The following GLI3 variants were observed in gnomAD, a reference collection of about 807,000 sequenced individuals.
GLI3 encodes transcription activator GLI3.
In GLI3, 20 loss-of-function variants were observed where a neutral mutation model predicts 100.8. The ratio of observed to expected loss-of-function variants is 0.20; its 90% CI spans 0.14 to 0.29. The LOEUF is 0.29. GLI3 is among the 10% of genes least tolerant of loss of function. The pLI, the probability that GLI3 is intolerant of heterozygous loss-of-function variation, is 1.00. For missense variants in GLI3, 2,040 were observed against 2,128.5 expected, an observed-to-expected ratio of 0.96 and a Z score of 0.82; for synonymous variants, 938 against 860.5, an observed-to-expected ratio of 1.09 and a Z score of -1.58.
At chr7:42,064,425 T>A (rs969799634) in intron 4 of GLI3, among the ~76,000 whole-genome samples, 1 of 152,192 alleles carries the variant, frequency 6.6e-6, no homozygotes, top group African/African-American at 2.4e-5. Flanking sequence ...TCCGGTTAAC[T>A]TGTGGTAGAG....
rs557383616 is a variant in GLI3 at position 41,976,106 on chromosome 7, TC to T, written c.1812+1451del. ...CATTAGCAGTCATCACTATTCCCTC[TC>T]CCCTCTGCTTTTGGCAACCACTGAT... On this transcript the variant is annotated intron_variant, in intron 12 of 14. Coordinates refer to ENST00000395925, the MANE Select transcript of GLI3 (RefSeq NM_000168.6). Among the ~76,000 whole-genome samples the T allele has an allele frequency of 7.2e-5, 11 of 152,248 alleles. No individual in the cohort carries two copies. In the South Asian group the frequency reaches 2.3e-3, roughly 32 times the overall value.
Position 42,148,799 on chromosome 7 carries a change from A to G in GLI3, c.125-331T>C, listed in dbSNP as rs115003719. Among the ~76,000 whole-genome samples, 266 of 152,252 alleles carry G rather than the reference A, an allele frequency of 1.7e-3. 1 individual carries two copies. Among genetic ancestry groups the G allele is most frequent in the African/African-American group, 6.2e-3 (257 of 41,566 alleles). On this transcript the variant is annotated intron_variant, in intron 2 of 14. Coordinates refer to ENST00000395925, the MANE Select transcript of GLI3 (RefSeq NM_000168.6). The stretch of plus-strand genomic sequence containing the variant: ...GGTTTCTGCTCATGGGCTGGCCAAC[A>G]TCTTGCAGGTCCCACGTGGAACTGA...
chr7:42,022,513 G>A (rs1374735114), intron 10 of GLI3, among the ~76,000 whole-genome samples: 1 of 152,172 alleles, frequency 6.6e-6, no homozygotes, highest in Admixed American at 6.5e-5. Flanking sequence ...GAGAGAGCAG[G>A]AGGAGGGGAA....
intron 1 of GLI3, among the ~76,000 whole-genome samples, chr7:42,225,708 C>G (rs1788568971): frequency 6.6e-6 from 1 of 152,204 alleles, no homozygotes; most frequent in African/African-American, 2.4e-5. Flanking sequence ...GCAGTATATA[C>G]TCATTGAAGT....
At chr7:42,240,015 C>T (rs183046103), upstream of GLI3, among the ~76,000 whole-genome samples, 4 of 152,060 alleles carry the variant, frequency 2.6e-5, no homozygotes, top group Non-Finnish European at 4.4e-5. Context: ...GTCTCGGAGC[C>T]CAATCCCCCT....
intron 1 of GLI3, among the ~76,000 whole-genome samples, chr7:42,244,099 G>T (rs1292121770): frequency 1.3e-5 from 2 of 152,140 alleles, no homozygotes; most frequent in East Asian, 1.9e-4. Context: ...CTCCCAAAGT[G>T]CTGGGATTAC....
In GLI3 at chr7:41,977,729, A is replaced by G. The variant is rs1787547025; in HGVS notation, c.1648-7T>C. On this transcript the variant is annotated splice_region_variant and splice_polypyrimidine_tract_variant and intron_variant, in intron 11 of 14. Transcript: ENST00000395925. ...CCTTTGTGCAACCTTCAAACTGAGGACAACAGGTAAATCTGGATTACTCTG... is the reference window on the plus strand; with the variant it reads ...CCTTTGTGCAACCTTCAAACTGAGGGCAACAGGTAAATCTGGATTACTCTG... 3 of 1,613,378 alleles carry G rather than the reference A, an allele frequency of 1.9e-6. No homozygotes were observed. In the African/African-American group the frequency reaches 4.0e-5, roughly 22 times the overall value.
At position 42,098,480 on chromosome 7, in the gene GLI3, C is replaced by T. The variant is rs146728453; in HGVS notation, c.368-21623G>A. Among the ~76,000 whole-genome samples, 50 of 152,252 alleles carry T rather than the reference C, an allele frequency of 3.3e-4. No homozygotes were observed. In the East Asian group the frequency reaches 9.7e-3, roughly 29 times the overall value. On this transcript the variant is annotated intron_variant, in intron 3 of 14. Coordinates refer to ENST00000395925, the MANE Select transcript of GLI3 (RefSeq NM_000168.6). ...CATGGGGCTCCTATTCGATGTACAG[C>T]AGAGGGCTCTGAGGCAGTTCCCCAG...
chr7:42,225,116 T>C (rs552456253), intron 1 of GLI3, among the ~76,000 whole-genome samples: 10 of 152,312 alleles, frequency 6.6e-5, no homozygotes, highest in Admixed American at 2.6e-4. Flanking sequence ...GTAATGGTCC[T>C]TGAAAATTGA....
chr7:42,255,597 A>G (rs1184425136), intron 1 of GLI3, among the ~76,000 whole-genome samples: 4 of 152,132 alleles, frequency 2.6e-5, no homozygotes, highest in Admixed American at 2.0e-4. Context: ...ATCTGGCTTT[A>G]TTTACTTAAA....
intron 3 of GLI3, among the ~76,000 whole-genome samples, chr7:42,144,797 C>T (rs1786662080): frequency 6.6e-6 from 1 of 152,118 alleles, no homozygotes; most frequent in Admixed American, 6.5e-5. Flanking sequence ...CTACAATTTC[C>T]AACCACAGAG....
intron 10 of GLI3, among the ~76,000 whole-genome samples, chr7:42,019,386 A>C (rs1788869426): frequency 6.6e-6 from 1 of 152,238 alleles, no homozygotes; most frequent in African/African-American, 2.4e-5. Context: ...CAAACATCAA[A>C]GACCCAAAGA....
chr7:41,968,114 G>A (rs903108441), intron 13 of GLI3, among the ~76,000 whole-genome samples, 191 bp from the exon 14 acceptor site: 6 of 152,180 alleles, frequency 3.9e-5, no homozygotes, highest in African/African-American at 1.4e-4. Flanking sequence ...AGGCTGATGG[G>A]CAACAGGAGG....
At chr7:42,099,525 AT>A (rs1388745791) in intron 3 of GLI3, among the ~76,000 whole-genome samples, 1 of 152,124 alleles carries the variant, frequency 6.6e-6, no homozygotes, top group Non-Finnish European at 1.5e-5. Flanking sequence ...TTATTTAATT[AT>A]TTTTAGAGAT....
chr7:42,248,770 T>C (rs901659290), intron 1 of GLI3, among the ~76,000 whole-genome samples: 1 of 151,924 alleles, frequency 6.6e-6, no homozygotes, highest in African/African-American at 2.4e-5. Flanking sequence ...TCCTCTTTTA[T>C]TTTTTTATTT....
intron 4 of GLI3, among the ~76,000 whole-genome samples, chr7:42,063,391 A>G (rs1012880807): frequency 1.3e-5 from 2 of 152,206 alleles, no homozygotes; most frequent in African/African-American, 4.8e-5. Context: ...AAAAAAGATA[A>G]TGGTTCCCTA....
At chr7:42,233,027 A>T (rs1310141484) in intron 1 of GLI3, among the ~76,000 whole-genome samples, 2 of 152,256 alleles carry the variant, frequency 1.3e-5, no homozygotes, top group East Asian at 3.8e-4. Context: ...GCAAAAGAAA[A>T]GTGCCATAAA....
At chr7:42,007,835 A>G (rs528704451) in intron 10 of GLI3, among the ~76,000 whole-genome samples, 1 of 152,326 alleles carries the variant, frequency 6.6e-6, no homozygotes, top group South Asian at 2.1e-4. Flanking sequence ...TGAGGAACTC[A>G]GAGGTTCACC....
chr7:41,996,287 TA>T (rs200140022), intron 10 of GLI3, among the ~76,000 whole-genome samples: 6 of 152,142 alleles, frequency 3.9e-5, no homozygotes, highest in African/African-American at 1.4e-4. Context: ...TTGGAACAAT[TA>T]TTTTTTTTTT....
Sources: allele counts gnomAD v4.1 joint callset (sites outside exome capture counted in the v4.1 genomes callset), GRCh38; gene constraint gnomAD v4.1.1; transcripts MANE v1.5; gene names NCBI Gene and HGNC (gene_info 2026-07-23, HGNC 2026-07-21).